Variants in UBE2E2 observed in about 807,000 individuals in gnomAD.
The protein encoded by UBE2E2 is ubiquitin-conjugating enzyme E2 E2.
Under a neutral mutation model 24.7 loss-of-function variants are expected in UBE2E2, and 6 were observed. The observed-to-expected ratio is 0.24, with a 90% confidence interval of 0.13 to 0.48. UBE2E2 has a LOEUF of 0.48. Among genes scored for constraint, UBE2E2 ranks in the 20% least tolerant of loss-of-function variants. The pLI is 0.99. For synonymous variants in UBE2E2, 104 were observed against 83.6 expected (o/e 1.24, Z -1.33); for missense variants, 169 against 245.0 (o/e 0.69, Z 2.07).
intron 3 of UBE2E2, among the ~76,000 whole-genome samples, chr3:23,353,833 T>C (rs1439886369): frequency 2.6e-5 from 4 of 152,176 alleles, no homozygotes; most frequent in African/African-American, 4.8e-5. Flanking sequence ...ATAGATTCAA[T>C]GCCATCCCCA....
At chr3:23,317,094 C>T (rs1394220257) in intron 3 of UBE2E2, among the ~76,000 whole-genome samples, 1 of 152,166 alleles carries the variant, frequency 6.6e-6, no homozygotes, top group Non-Finnish European at 1.5e-5. Context: ...TGCATACGCT[C>T]CTTTAGCCTC....
intron 3 of UBE2E2, among the ~76,000 whole-genome samples, chr3:23,294,553 CTTTTTA>C (rs72372422): frequency 0.33 from 49,456 of 148,256 alleles, 8,330 homozygotes; most frequent in South Asian, 0.38. Flanking sequence ...TTATTTGTAT[CTTTTTA>C]TTTTTATCTT....
chr3:23,264,393 G>A (rs1486467292), intron 3 of UBE2E2, among the ~76,000 whole-genome samples: 1 of 151,018 alleles, frequency 6.6e-6, no homozygotes, highest in Non-Finnish European at 1.5e-5. Flanking sequence ...AGGTGGGGAG[G>A]ACAAAAGAGT....
At chr3:23,581,626 G>A (rs114006863) in intron 5 of UBE2E2, among the ~76,000 whole-genome samples, 9 of 152,302 alleles carry the variant, frequency 5.9e-5, no homozygotes, top group Admixed American at 2.6e-4. Flanking sequence ...ACCTGACTCC[G>A]TGGTGGAACT....
rs1017848838 is a variant in UBE2E2, at chr3:23,407,595, A to G, written c.228-92013A>G. Reference sequence around the variant, plus strand: ...CCTCCCTCTACTTTTTATGGTTTGTATGTTTGTTTTGGGAGGAGTGCATGT... The same window carrying G: ...CCTCCCTCTACTTTTTATGGTTTGTGTGTTTGTTTTGGGAGGAGTGCATGT... On this transcript the variant is annotated intron_variant, in intron 3 of 5. Transcript: ENST00000396703. The surrounding 1 kb of genome is among the most constrained non-coding windows in gnomAD (Gnocchi z 4.0). 1.3e-4 allele frequency among the ~76,000 whole-genome samples: 19 copies of G among 147,140 alleles called. No individual in the cohort carries two copies. Among genetic ancestry groups the G allele is most frequent in the Admixed American group, 2.0e-4 (3 of 14,744 alleles).
intron 3 of UBE2E2, among the ~76,000 whole-genome samples, chr3:23,473,177 A>T (rs756105004): frequency 6.6e-6 from 1 of 152,054 alleles, no homozygotes; most frequent in Non-Finnish European, 1.5e-5. Flanking sequence ...CTCTATCAAT[A>T]CACATTGAAA....
At chr3:23,535,848 C>A (rs944978880) in intron 5 of UBE2E2, among the ~76,000 whole-genome samples, 1 of 152,104 alleles carries the variant, frequency 6.6e-6, no homozygotes, top group Admixed American at 6.5e-5. Context: ...GTCTCAATCT[C>A]CTGACCTCGT....
At chr3:23,408,074 A>G (rs1697408278) in intron 3 of UBE2E2, among the ~76,000 whole-genome samples, 2 of 152,314 alleles carry the variant, frequency 1.3e-5, no homozygotes, top group East Asian at 3.9e-4. Context: ...ATACACTAGC[A>G]CATCATGATA....
intron 5 of UBE2E2, among the ~76,000 whole-genome samples, chr3:23,535,388 C>A (rs1695230734): frequency 6.6e-6 from 1 of 152,178 alleles, no homozygotes; most frequent in African/African-American, 2.4e-5. Flanking sequence ...CGAATAGTAT[C>A]TAACGCCGTC....
intron 3 of UBE2E2, among the ~76,000 whole-genome samples, chr3:23,383,162 A>AG (rs1482809184): frequency 1.3e-5 from 2 of 152,194 alleles, no homozygotes; most frequent in Non-Finnish European, 2.9e-5. Context: ...ATGTTGTTGT[A>AG]GGGGTCAGGG....
intron 2 of UBE2E2, among the ~76,000 whole-genome samples, chr3:23,214,202 A>C (rs916760385): frequency 1.3e-5 from 2 of 152,190 alleles, no homozygotes; most frequent in African/African-American, 4.8e-5. Flanking sequence ...CTAGAATTAT[A>C]GGGATCTGGA....
rs199876899 is a variant in UBE2E2 at position 23,281,635 on chromosome 3, CTGTT to C, written c.227+64325_227+64328del. ...CCTGGGTGACATAGCAAGATCCTGT[CTGTT>C]TAAAAAAGAAGGAGAAGGAGGAGAA... is the stretch of plus-strand genomic sequence containing the variant. On this transcript the variant is annotated intron_variant, in intron 3 of 5. Transcript: ENST00000396703. Among the ~76,000 whole-genome samples, 87 of 152,152 alleles carry C rather than the reference CTGTT, an allele frequency of 5.7e-4. 3 individuals carry two copies. In the East Asian group the frequency reaches 0.015, roughly 27 times the overall value.
intron 3 of UBE2E2, among the ~76,000 whole-genome samples, chr3:23,444,364 G>T (rs772905382): frequency 2.6e-5 from 4 of 152,048 alleles, no homozygotes; most frequent in Non-Finnish European, 2.9e-5. Flanking sequence ...TGATGTACTG[G>T]CTTGAGGAAT....
chr3:23,367,921 T>G (rs1318560711), intron 3 of UBE2E2, among the ~76,000 whole-genome samples: 1 of 152,174 alleles, frequency 6.6e-6, no homozygotes, highest in East Asian at 1.9e-4. Flanking sequence ...GGAAAACTCT[T>G]CACACATTTG....
At chr3:23,341,884 T>G (rs1483183281) in intron 3 of UBE2E2, among the ~76,000 whole-genome samples, 1 of 152,180 alleles carries the variant, frequency 6.6e-6, no homozygotes, top group African/African-American at 2.4e-5. Context: ...ATGTAAACAA[T>G]TATGACAAAA....
chr3:23,551,477 A>G (rs1695642242), intron 5 of UBE2E2, among the ~76,000 whole-genome samples: 1 of 152,236 alleles, frequency 6.6e-6, no homozygotes, highest in South Asian at 2.1e-4. Flanking sequence ...CAGCTATACT[A>G]TTCAAACTTG....
chr3:23,250,689 TATG>T (rs1276864119), intron 3 of UBE2E2, among the ~76,000 whole-genome samples: 1 of 152,256 alleles, frequency 6.6e-6, no homozygotes, highest in Non-Finnish European at 1.5e-5. Flanking sequence ...TTTCTTTCCT[TATG>T]ATATGGCATA....
intron 3 of UBE2E2, among the ~76,000 whole-genome samples, chr3:23,422,866 C>T (rs1478620879): frequency 1.3e-5 from 2 of 152,070 alleles, no homozygotes; most frequent in Non-Finnish European, 2.9e-5. Context: ...GATGACATTT[C>T]AAGTTCCTTT....
chr3:23,403,440 A>G (rs1697278505), intron 3 of UBE2E2, among the ~76,000 whole-genome samples: 2 of 152,196 alleles, frequency 1.3e-5, no homozygotes, highest in African/African-American at 4.8e-5. Context: ...GAATATACAT[A>G]CTTGGCTTTT....
Sources: gnomAD v4.1 joint callset for allele counts (sites outside exome capture counted in the v4.1 genomes callset) on GRCh38, gnomAD v4.1.1 for gene constraint, Gnocchi (gnomAD v3.1) non-coding constraint, MANE v1.5 for transcripts, NCBI Gene and HGNC (gene_info 2026-07-23, HGNC 2026-07-21) for gene names.